MEGF6: variants seen among roughly 807,000 people sequenced by gnomAD.
The protein encoded by MEGF6 is multiple epidermal growth factor-like domains protein 6.
In MEGF6, 184 loss-of-function variants were observed where a neutral mutation model predicts 207.1. That is an observed-to-expected ratio of 0.89 (90% CI 0.79 to 1.00). The LOEUF (loss-of-function observed/expected upper bound fraction) is 1.00, where lower values mean the gene tolerates loss of function less well. Ranked by LOEUF, MEGF6 falls within the 50% of genes least tolerant of loss-of-function variation. The probability of loss-of-function intolerance (pLI) is 0.00; values close to 1 mark genes in which losing one functional copy is unlikely to be tolerated. For missense variants in MEGF6, 2,282 were observed against 2,202.9 expected (o/e 1.04, Z -0.72); for synonymous variants, 1,038 against 910.0 (o/e 1.14, Z -2.53).
At chr1:3,610,471 T>TCCC (rs1644309379) in intron 1 of MEGF6, among the ~76,000 whole-genome samples, 2 of 146,492 alleles carry the variant, frequency 1.4e-5, no homozygotes. Context: ...CGCCAGCGAC[T>TCCC]CCCCTCCTCC....
At chr1:3,541,926 C>G (rs563997542) in intron 4 of MEGF6, among the ~76,000 whole-genome samples, 3 of 152,352 alleles carry the variant, frequency 2.0e-5, no homozygotes, top group South Asian at 4.1e-4. Context: ...CAGAGCCCAC[C>G]CGCGTCCCAC....
rs539143316 is a variant in MEGF6, at chr1:3,488,733, G to A, written c.*1795C>T. Among the ~76,000 whole-genome samples the A allele has an allele frequency of 3.6e-4, 55 of 152,298 alleles. No individual in the cohort carries two copies. Among genetic ancestry groups the A allele is most frequent in the Admixed American group, 3.6e-3 (55 of 15,302 alleles). ...CTCACGTATAGTCTGAGGTCAATTTGATTCCCATTCTTTTTTCTCTGGGAC... is the reference window on the plus strand; with the variant it reads ...CTCACGTATAGTCTGAGGTCAATTTAATTCCCATTCTTTTTTCTCTGGGAC... On this transcript the variant is annotated 3_prime_UTR_variant, in exon 37 of 37. Transcript: ENST00000356575.
the MEGF6 span, among the ~76,000 whole-genome samples, chr1:3,617,418 G>A: frequency 6.6e-6 from 1 of 152,042 alleles, no homozygotes; most frequent in Non-Finnish European, 1.5e-5. Flanking sequence ...CTTATGAGTG[G>A]GAGCTGAATG....
intron 4 of MEGF6, among the ~76,000 whole-genome samples, chr1:3,541,459 A>G (rs1355118349): frequency 6.6e-6 from 1 of 152,234 alleles, no homozygotes; most frequent in Non-Finnish European, 1.5e-5. Context: ...CAGGAAGGTC[A>G]GAGAAAAAGC....
At position 3,507,887 on chromosome 1, in the gene MEGF6, A is replaced by C. The variant is rs1641174659; in HGVS notation, c.1697T>G (p.Phe566Cys). The C allele has an allele frequency of 6.2e-7, 1 of 1,612,624 alleles. No individual in the cohort carries two copies. The highest frequency in any genetic ancestry group is 8.5e-7 in the Non-Finnish European group (1 of 1,179,886). ...PPDTFGKNCS[F>C]SCSCQNGGTC... is the part of the protein sequence containing the mutation. ...CCCACCATTCTGACAGCTGCAGGAGAAGCTGCAGTTCTTCCCAAAGGTGTC... is the reference window on the plus strand; with the variant it reads ...CCCACCATTCTGACAGCTGCAGGAGCAGCTGCAGTTCTTCCCAAAGGTGTC... Residue 566 changes from phenylalanine (F) to cysteine (C), a missense_variant, in exon 14 of 37, where the codon TTC becomes TGC. Phe to Cys is a radical substitution (Grantham distance 205). Transcript: ENST00000356575.
chr1:3,565,960 C>T lies in MEGF6; in HGVS notation c.481+13865G>A, dbSNP rs559167601. ...CAGGGTCAGCTGCTATAGGACCCGCCGTGGACCACTGCCCTGCAGGTTCAT... is the reference window on the plus strand; with the variant it reads ...CAGGGTCAGCTGCTATAGGACCCGCTGTGGACCACTGCCCTGCAGGTTCAT... On this transcript the variant is annotated intron_variant, in intron 4 of 36. Transcript: ENST00000356575. The surrounding 1 kb of genome is among the most constrained non-coding windows in gnomAD (Gnocchi z 4.8). 2.0e-5 allele frequency among the ~76,000 whole-genome samples: 3 copies of T among 152,308 alleles called. No homozygotes were observed. Among genetic ancestry groups the T allele is most frequent in the Admixed American group, 6.5e-5 (1 of 15,304 alleles).
At chr1:3,574,674 G>A (rs961443764) in intron 4 of MEGF6, among the ~76,000 whole-genome samples, 1 of 152,166 alleles carries the variant, frequency 6.6e-6, no homozygotes, top group Admixed American at 6.5e-5. Flanking sequence ...ACAGGGTCTT[G>A]CTCTGTCAGC....
intron 29 of MEGF6, among the ~76,000 whole-genome samples, chr1:3,496,410 G>T (rs544702021): frequency 7.2e-5 from 11 of 152,374 alleles, no homozygotes; most frequent in African/African-American, 2.4e-4. Context: ...GGCGCAGGTC[G>T]CCGGGCACAG....
intron 4 of MEGF6, among the ~76,000 whole-genome samples, chr1:3,546,323 A>C (rs1050529816): frequency 6.6e-6 from 1 of 152,092 alleles, no homozygotes; most frequent in Admixed American, 6.5e-5. Flanking sequence ...GAGCTCGCAA[A>C]CGCTTCTAGC....
intron 3 of MEGF6, 24 bp from the exon 4 acceptor site, chr1:3,579,953 G>T: frequency 6.7e-7 from 1 of 1,484,086 alleles, no homozygotes; most frequent in Non-Finnish European, 9.0e-7. Context: ...GAGAAAATCG[G>T]TGAGAGGGGC....
At position 3,500,723 on chromosome 1, in the gene MEGF6, A is replaced by G. The variant is rs1295657722; in HGVS notation, c.2617T>C (p.Cys873Arg). ...CTCCCGTGGCCAGCGCTGCAGTTGC[A>G]GGGGTGGCTGCAGTCAGGTCCCCAG... is the stretch of plus-strand genomic sequence containing the variant. ...GHWGPDCSHP[C>R]NCSAGHGSCD... Residue 873 changes from cysteine (C) to arginine (R), a missense_variant, in exon 21 of 37, where the codon TGC becomes CGC. Coordinates refer to ENST00000356575, the MANE Select transcript of MEGF6 (RefSeq NM_001409.4). 2 of 1,598,184 alleles carry G rather than the reference A, an allele frequency of 1.3e-6. No homozygotes were observed. The highest frequency in any genetic ancestry group is 1.7e-5 in the Admixed American group (1 of 58,044).
chr1:3,521,344 T>G (rs1401347073), intron 5 of MEGF6, among the ~76,000 whole-genome samples: 2 of 152,032 alleles, frequency 1.3e-5, no homozygotes, highest in African/African-American at 4.8e-5. Context: ...GGGCCAGAAA[T>G]CCAGCCCTAT....
chr1:3,613,332 C>T (rs144715835), upstream of MEGF6, among the ~76,000 whole-genome samples: 1,444 of 152,316 alleles, frequency 9.5e-3, 28 homozygotes, highest in African/African-American at 0.032. Flanking sequence ...CCCACTTCTG[C>T]GCTGGGCCCC....
At chr1:3,501,553 C>T (rs969023785) in intron 18 of MEGF6, among the ~76,000 whole-genome samples, 4 of 152,064 alleles carry the variant, frequency 2.6e-5, no homozygotes, top group Non-Finnish European at 4.4e-5. Context: ...GAGCCGAGCC[C>T]GTTAGAGATG....
intron 2 of MEGF6, among the ~76,000 whole-genome samples, chr1:3,598,976 C>T (rs75654140): frequency 0.051 from 7,809 of 152,206 alleles, 317 homozygotes; most frequent in East Asian, 0.12. Flanking sequence ...AATACCCGGG[C>T]GCCCTCTCAG....
intron 3 of MEGF6, among the ~76,000 whole-genome samples, chr1:3,584,782 G>A (rs1643870116): frequency 6.6e-6 from 1 of 152,266 alleles, no homozygotes; most frequent in African/African-American, 2.4e-5. Context: ...ACAGAATCCA[G>A]GGTAGGTCTC....
At position 3,511,624 on chromosome 1, in the gene MEGF6, C is replaced by G; in HGVS notation, c.1040G>C (p.Ser347Thr). Residue 347 changes from serine to threonine, a missense_variant, in exon 9 of 37, where the codon AGC becomes ACC. Coordinates refer to ENST00000356575, the MANE Select transcript of MEGF6 (RefSeq NM_001409.4). The part of the protein sequence containing the change: ...ANNGGCSHGC[S>T]HTSAGPLCTC... Reference sequence around the variant, plus strand: ...GCACAGGGGCCCAGCACTGGTGTGGCTGCAGCCATGGGAGCAGCCGCCGTT... The same window carrying G: ...GCACAGGGGCCCAGCACTGGTGTGGGTGCAGCCATGGGAGCAGCCGCCGTT... 1 of 1,612,404 alleles carries G rather than the reference C, an allele frequency of 6.2e-7. No individual in the cohort carries two copies. The highest frequency in any genetic ancestry group is 1.3e-5 in the African/African-American group (1 of 75,018).
At chr1:3,501,737 C>T in intron 18 of MEGF6, 59 bp downstream of exon 18, 3 of 1,577,876 alleles carry the variant, frequency 1.9e-6, no homozygotes, top group African/African-American at 1.4e-5. Flanking sequence ...TTCAGGGCCC[C>T]ACCAGCTTGG....
chr1:3,508,289 G>C (rs549224757), intron 13 of MEGF6, among the ~76,000 whole-genome samples: 5 of 152,220 alleles, frequency 3.3e-5, no homozygotes, highest in Non-Finnish European at 7.3e-5. Flanking sequence ...TTGCTGGACC[G>C]TGAAGACTGA....
Sources: gnomAD v4.1 joint callset for allele counts (sites outside exome capture counted in the v4.1 genomes callset) on GRCh38, gnomAD v4.1.1 for gene constraint, Gnocchi (gnomAD v3.1) non-coding constraint, MANE v1.5 for transcripts, NCBI Gene and HGNC (gene_info 2026-07-23, HGNC 2026-07-21) for gene names.